The following ATP2B2 variants were observed in gnomAD, a reference collection of about 807,000 sequenced individuals.
ATP2B2 encodes plasma membrane calcium-transporting ATPase 2.
Under a neutral mutation model 120.0 loss-of-function variants are expected in ATP2B2, and 15 were observed. That is an observed-to-expected ratio of 0.12 (90% CI 0.08 to 0.19). The LOEUF is 0.19. Ranked by LOEUF, ATP2B2 falls within the 10% of genes least tolerant of loss-of-function variation. The pLI is 1.00. For synonymous variants in ATP2B2, 694 were observed against 700.3 expected, an observed-to-expected ratio of 0.99 and a Z score of 0.14; for missense variants, 1,045 against 1,719.8, an observed-to-expected ratio of 0.61 and a Z score of 6.94.
At chr3:10,511,674 C>A (rs1011632038) in intron 3 of ATP2B2, among the ~76,000 whole-genome samples, 7 of 152,164 alleles carry the variant, frequency 4.6e-5, no homozygotes, top group Non-Finnish European at 8.8e-5. Context: ...CTGGGACCAG[C>A]GTGCTTGAGC....
intron 3 of ATP2B2, among the ~76,000 whole-genome samples, chr3:10,514,219 C>A (rs540099180): frequency 6.6e-6 from 1 of 152,204 alleles, no homozygotes; most frequent in African/African-American, 2.4e-5. Flanking sequence ...TCTTCCCTAC[C>A]CTGTGATAGG....
At chr3:10,642,495 C>A (rs1331407303) in intron 1 of ATP2B2, among the ~76,000 whole-genome samples, 3 of 152,042 alleles carry the variant, frequency 2.0e-5, no homozygotes, top group Admixed American at 6.5e-5. Context: ...ACAATCTCAC[C>A]CTGTAGAACA....
intron 2 of ATP2B2, among the ~76,000 whole-genome samples, chr3:10,619,536 A>G (rs1421855059): frequency 2.0e-5 from 3 of 152,226 alleles, no homozygotes; most frequent in African/African-American, 2.4e-5. Flanking sequence ...CCAAAAGGAC[A>G]TTTAGTAAGC....
intron 3 of ATP2B2, among the ~76,000 whole-genome samples, chr3:10,404,732 A>G (rs1188799867): frequency 6.6e-6 from 1 of 152,194 alleles, no homozygotes; most frequent in African/African-American, 2.4e-5. Context: ...CTCCTGTACC[A>G]CCATGAATGA....
chr3:10,349,454 CAAATA>C (rs1439687981), intron 16 of ATP2B2, among the ~76,000 whole-genome samples: 3 of 151,876 alleles, frequency 2.0e-5, no homozygotes. Flanking sequence ...GACCCTGTCT[CAAATA>C]AAATAAAATA....
chr3:10,485,168 C>T (rs891419360), intron 1 of ATP2B2, among the ~76,000 whole-genome samples: 7 of 152,214 alleles, frequency 4.6e-5, no homozygotes, highest in African/African-American at 1.7e-4. Flanking sequence ...ATCACCACCA[C>T]CAGAAGAGTG....
At chr3:10,548,871 T>C (rs2067607030) in intron 2 of ATP2B2, among the ~76,000 whole-genome samples, 1 of 152,254 alleles carries the variant, frequency 6.6e-6, no homozygotes, top group South Asian at 2.1e-4. Context: ...AGCTCATATT[T>C]GAACCCAGGC....
intron 2 of ATP2B2, among the ~76,000 whole-genome samples, chr3:10,610,140 T>A (rs199499946): frequency 2.1e-4 from 15 of 71,178 alleles, no homozygotes; most frequent in African/African-American, 1.8e-3. Context: ...TATATACATG[T>A]ATATATATAT....
intron 2 of ATP2B2, among the ~76,000 whole-genome samples, chr3:10,584,257 C>T (rs2068456630): frequency 6.6e-6 from 1 of 152,128 alleles, no homozygotes; most frequent in Admixed American, 6.5e-5. Flanking sequence ...GAATGGGGAC[C>T]AGGAGAACAG....
chr3:10,407,936 T>C (rs1327087765), intron 3 of ATP2B2, among the ~76,000 whole-genome samples: 3 of 152,188 alleles, frequency 2.0e-5, no homozygotes, highest in Non-Finnish European at 4.4e-5. Context: ...AGGGCCGGCC[T>C]GGGTCCAGGG....
At chr3:10,543,530 A>T (rs2067482021) in intron 2 of ATP2B2, among the ~76,000 whole-genome samples, 1 of 152,238 alleles carries the variant, frequency 6.6e-6, no homozygotes, top group African/African-American at 2.4e-5. Context: ...GACTTGTAAA[A>T]ATATGAAATA....
chr3:10,684,255 T>TA (rs1170927827), intron 1 of ATP2B2, among the ~76,000 whole-genome samples: 1 of 152,214 alleles, frequency 6.6e-6, no homozygotes, highest in Non-Finnish European at 1.5e-5. Context: ...AGACTAATCT[T>TA]TGTTTAAGTT....
chr3:10,559,660 C>T (rs1469188274), intron 2 of ATP2B2, among the ~76,000 whole-genome samples: 4 of 152,162 alleles, frequency 2.6e-5, no homozygotes, highest in African/African-American at 9.7e-5. Context: ...CCAAGCCCCC[C>T]GACTTCCAAT....
intron 3 of ATP2B2, among the ~76,000 whole-genome samples, chr3:10,406,277 T>G (rs960050739): frequency 1.2e-4 from 19 of 152,120 alleles, no homozygotes; most frequent in African/African-American, 4.6e-4. Context: ...TGAGATGAAG[T>G]GTGGGGCAGA....
At chr3:10,363,228 G>A (rs975761169) in intron 12 of ATP2B2, among the ~76,000 whole-genome samples, 4 of 152,194 alleles carry the variant, frequency 2.6e-5, no homozygotes, top group Non-Finnish European at 5.9e-5. Context: ...AAGAATCAGG[G>A]ACCCTCCCCT....
intron 2 of ATP2B2, among the ~76,000 whole-genome samples, chr3:10,412,653 T>C (rs2062651223): frequency 6.6e-6 from 1 of 152,058 alleles, no homozygotes; most frequent in Non-Finnish European, 1.5e-5. Context: ...GCAGCAGGCT[T>C]ACCACTTCCC....
intron 3 of ATP2B2, among the ~76,000 whole-genome samples, chr3:10,527,459 C>A (rs908309516): frequency 2.6e-5 from 4 of 152,180 alleles, no homozygotes; most frequent in African/African-American, 9.7e-5. Flanking sequence ...ACTCTTTCAC[C>A]GCCCTCTGGA....
chr3:10,449,976 C>A (rs2063976037), intron 1 of ATP2B2, 114 bp from the exon 2 acceptor site: 26 of 315,576 alleles, frequency 8.2e-5, no homozygotes, highest in South Asian at 7.0e-4. Context: ...ACTGACTACA[C>A]CCATGCCCCC....
Position 10,388,312 on chromosome 3 carries a change from G to A in ATP2B2, c.872C>T (p.Ala291Val), listed in dbSNP as rs1481610801. ...TTTCTTCTCTTCCTCTTCACCACCAGCCCCCAGGAGGGTAAAGATGATGCC... is the reference window on the plus strand; with the variant it reads ...TTTCTTCTCTTCCTCTTCACCACCAACCCCCAGGAGGGTAAAGATGATGCC... ...QTGIIFTLLG[A>V]GGEEEEKKDK... Residue 291 changes from alanine to valine, a missense_variant, in exon 6 of 23, where the codon GCT (alanine) becomes GTT (valine). Ala to Val is a moderately conservative substitution (Grantham distance 64). Transcript: ENST00000360273. 1 of 1,614,152 alleles carries A rather than the reference G, an allele frequency of 6.2e-7. No individual in the cohort carries two copies. The highest frequency in any genetic ancestry group is 1.1e-5 in the South Asian group (1 of 91,082).
Sources: allele counts gnomAD v4.1 joint callset (sites outside exome capture counted in the v4.1 genomes callset), GRCh38; gene constraint gnomAD v4.1.1; transcripts MANE v1.5; gene names NCBI Gene and HGNC (gene_info 2026-07-23, HGNC 2026-07-21).